The following UBE4B variants were observed in gnomAD, a reference collection of about 807,000 sequenced individuals.
UBE4B encodes ubiquitination factor E4B, also known as ubiquitin conjugation factor E4 B.
In UBE4B, 27 loss-of-function variants were observed where a neutral mutation model predicts 148.1. The ratio of observed to expected loss-of-function variants is 0.18; its 90% CI spans 0.13 to 0.25. The LOEUF is 0.25. UBE4B is among the 10% of genes least tolerant of loss of function. The pLI is 1.00. For missense variants in UBE4B, 1,170 were observed against 1,662.4 expected, an observed-to-expected ratio of 0.70 and a Z score of 5.15; for synonymous variants, 596 against 619.3, an observed-to-expected ratio of 0.96 and a Z score of 0.56.
intron 17 of UBE4B, among the ~76,000 whole-genome samples, chr1:10,143,642 C>T (rs546782472): frequency 2.0e-5 from 3 of 152,310 alleles, no homozygotes; most frequent in South Asian, 2.1e-4. Flanking sequence ...TCGAAGGATT[C>T]GGATGCGACA....
chr1:10,052,500 C>T (rs1005521057), intron 1 of UBE4B, among the ~76,000 whole-genome samples: 2 of 152,168 alleles, frequency 1.3e-5, no homozygotes, highest in African/African-American at 2.4e-5. Context: ...GCCAGGCACT[C>T]CTCAGGAATC....
intron 25 of UBE4B, among the ~76,000 whole-genome samples, chr1:10,175,255 C>T (rs79982090): frequency 0.024 from 3,611 of 152,126 alleles, 82 homozygotes; most frequent in South Asian, 0.082. Context: ...TATGGGCAGA[C>T]GCCAGTTCCA....
chr1:10,179,902 A>G lies in UBE4B; in HGVS notation c.3855A>G (p.Glu1285=). 1 of 1,614,054 alleles carries G rather than the reference A, an allele frequency of 6.2e-7. No individual in the cohort carries two copies. Among genetic ancestry groups the G allele is most frequent in the Middle Eastern group, 1.6e-4 (1 of 6,062 alleles). Reference sequence around the variant, plus strand: ...CTTTTTTTCTTTTCTCAGTGCCAGAACTGAAAGAGCAGATTCAGGCGTGGA... The same window carrying G: ...CTTTTTTTCTTTTCTCAGTGCCAGAGCTGAAAGAGCAGATTCAGGCGTGGA... ...LTESMLEPVP[E]LKEQIQAWMR... is the part of the protein sequence containing the mutation. Residue 1285 remains glutamate (E), a synonymous_variant, in exon 28 of 28, where the codon GAA becomes GAG. Coordinates refer to ENST00000343090, the MANE Select transcript of UBE4B (RefSeq NM_001105562.3).
chr1:10,085,614 A>G (rs896094571), intron 2 of UBE4B, among the ~76,000 whole-genome samples: 1 of 152,200 alleles, frequency 6.6e-6, no homozygotes, highest in Non-Finnish European at 1.5e-5. Context: ...AAACAACAAC[A>G]CATCTTTATA....
At chr1:10,067,509 G>A (rs1196936252) in intron 1 of UBE4B, among the ~76,000 whole-genome samples, 2 of 151,906 alleles carry the variant, frequency 1.3e-5, no homozygotes, top group African/African-American at 2.4e-5. Flanking sequence ...TGAGAAAAAT[G>A]TTTAATCATA....
intron 16 of UBE4B, among the ~76,000 whole-genome samples, chr1:10,136,152 C>T (rs1303592950): frequency 6.6e-6 from 1 of 152,034 alleles, no homozygotes; most frequent in Non-Finnish European, 1.5e-5. Flanking sequence ...AGATTTTATA[C>T]AATACATCAG....
Position 10,161,345 on chromosome 1 carries a change from G to A in UBE4B, c.3198+59G>A, listed in dbSNP as rs896349637. 5.1e-6 allele frequency: 8 copies of A among 1,582,092 alleles called. No homozygotes were observed. The African/African-American group carries it at 9.5e-5, about 19-fold the overall frequency. On this transcript the variant is annotated intron_variant, in intron 23 of 27. Coordinates refer to ENST00000343090, the MANE Select transcript of UBE4B (RefSeq NM_001105562.3). The surrounding 1 kb of genome is among the most constrained non-coding windows in gnomAD (Gnocchi z 4.1). ...GCAGGCCATCTGCCTCCACACACGG[G>A]CAGAGCTGCTTTGGGGCTGCATTTG... is the stretch of plus-strand genomic sequence containing the variant.
intron 1 of UBE4B, among the ~76,000 whole-genome samples, chr1:10,042,859 A>C (rs1643823387): frequency 1.3e-5 from 2 of 152,076 alleles, no homozygotes; most frequent in Admixed American, 1.3e-4. Flanking sequence ...CTCGGGGAAG[A>C]ATGTTCCCAG....
chr1:10,177,755 C>T (rs1646448843), intron 25 of UBE4B, among the ~76,000 whole-genome samples: 1 of 151,982 alleles, frequency 6.6e-6, no homozygotes, highest in African/African-American at 2.4e-5. Flanking sequence ...CATCACTAAG[C>T]AAGTGGCCAG....
At chr1:10,033,734 A>C (rs1407762584) in intron 1 of UBE4B, 40 bp downstream of exon 1, 4 of 1,529,504 alleles carry the variant, frequency 2.6e-6, no homozygotes, top group Admixed American at 2.1e-5. Context: ...TTAGTTGGCA[A>C]CTCGTTAGCG....
intron 1 of UBE4B, among the ~76,000 whole-genome samples, chr1:10,068,029 G>GTTT (rs1204563688): frequency 3.7e-5 from 5 of 136,522 alleles, no homozygotes; most frequent in Admixed American, 7.5e-5. Flanking sequence ...TGCCTGGCCA[G>GTTT]TTTTTTTTTT....
chr1:10,056,920 C>T (rs1367966180), intron 1 of UBE4B, among the ~76,000 whole-genome samples: 2 of 152,006 alleles, frequency 1.3e-5, no homozygotes, highest in Non-Finnish European at 2.9e-5. Flanking sequence ...TCAGCCTCCC[C>T]AGCCCACCTC....
intron 2 of UBE4B, among the ~76,000 whole-genome samples, chr1:10,088,278 G>A (rs1031453957): frequency 1.3e-5 from 2 of 152,166 alleles, no homozygotes; most frequent in Non-Finnish European, 2.9e-5. Context: ...AGATCAAAGT[G>A]ATTTTCTAAT....
At chr1:10,112,167 T>A (rs567916459) in intron 7 of UBE4B, among the ~76,000 whole-genome samples, 1 of 152,014 alleles carries the variant, frequency 6.6e-6, no homozygotes, top group Non-Finnish European at 1.5e-5. Context: ...TGCAGCTCTG[T>A]TTCTATTATG....
chr1:10,138,990 C>T (rs1645741265), intron 17 of UBE4B, among the ~76,000 whole-genome samples: 1 of 152,044 alleles, frequency 6.6e-6, no homozygotes, highest in African/African-American at 2.4e-5. Context: ...ATACAATTTG[C>T]TAATATTCTG....
rs377196706 is a variant in UBE4B, at chr1:10,137,193, G to A, written c.2351G>A (p.Arg784Gln). The change falls in exon 17 of 28, where the codon CGG (arginine) becomes CAG (glutamine). Residue 784 changes from arginine (R) to glutamine (Q), a missense_variant. This residue lies in a region of UBE4B where 388 missense variants were observed against 536.0 expected (regional missense o/e 0.72). Transcript: ENST00000343090. ...TATATCCGCAGACTCCGGGCTATCC[G>A]GGAGCTCAATAGGTATGTGCCATGA... ...RRYIRRLRAIRELNRTVEDLK... is the reference protein window; with the variant it reads ...RRYIRRLRAIQELNRTVEDLK... 1.1e-5 allele frequency: 17 copies of A among 1,614,008 alleles called. No individual in the cohort carries two copies. Among genetic ancestry groups the A allele is most frequent in the Admixed American group, 3.3e-5 (2 of 59,986 alleles).
At chr1:10,076,949 G>A (rs868530402) in intron 2 of UBE4B, among the ~76,000 whole-genome samples, 3 of 151,748 alleles carry the variant, frequency 2.0e-5, no homozygotes, top group African/African-American at 4.8e-5. Flanking sequence ...GTTTCACCAC[G>A]TTGGCCAGGC....
Position 10,151,558 on chromosome 1 carries a change from A to G in UBE4B, c.2923A>G (p.Thr975Ala). The G allele has an allele frequency of 6.2e-7, 1 of 1,613,346 alleles. No individual in the cohort carries two copies. Among genetic ancestry groups the G allele is most frequent in the Non-Finnish European group, 8.5e-7 (1 of 1,179,458 alleles). The change falls in exon 21 of 28, where the codon ACA becomes GCA. Residue 975 changes from threonine to alanine, a missense_variant. This residue lies in a region of UBE4B where 348 missense variants were observed against 627.2 expected (regional missense o/e 0.55). Coordinates refer to ENST00000343090, the MANE Select transcript of UBE4B (RefSeq NM_001105562.3). Reference sequence around the variant, plus strand: ...GGTACCTTCCCTGATGAAGTTTTATACAGGTAGGTTGCTGGAACACAGTGT... The same window carrying G: ...GGTACCTTCCCTGATGAAGTTTTATGCAGGTAGGTTGCTGGAACACAGTGT... The part of the protein sequence containing the change: ...LLVPSLMKFY[T>A]DVEHTGATSE...
At position 10,117,519 on chromosome 1, in the gene UBE4B, A is replaced by T. The variant is rs1645331836; in HGVS notation, c.1257A>T (p.Glu419Asp). 2.5e-6 allele frequency: 4 copies of T among 1,613,026 alleles called. No homozygotes were observed. Among genetic ancestry groups the T allele is most frequent in the Non-Finnish European group, 3.4e-6 (4 of 1,179,724 alleles). Residue 419 changes from glutamate (E) to aspartate (D), a missense_variant, in exon 8 of 28, where the codon GAA (glutamate) becomes GAT (aspartate). By Grantham distance (45) the Glu-to-Asp change is conservative (BLOSUM62 2). Around this residue, in one of 6 missense-constraint regions of UBE4B, gnomAD observed 388 missense variants for 536.0 expected, o/e 0.72. Transcript: ENST00000343090. ...WDSYSDHFTI[E>D]TCKETDMLNY... Reference sequence around the variant, plus strand: ...CCTACAGTGACCATTTCACCATTGAAACCTGCAAAGAGACAGATATGCTGA... The same window carrying T: ...CCTACAGTGACCATTTCACCATTGATACCTGCAAAGAGACAGATATGCTGA...
Sources: gnomAD v4.1 joint callset for allele counts (sites outside exome capture counted in the v4.1 genomes callset) on GRCh38, gnomAD v4.1.1 for gene constraint, gnomAD v4.1.1 regional missense constraint, Gnocchi (gnomAD v3.1) non-coding constraint, MANE v1.5 for transcripts, NCBI Gene and HGNC (gene_info 2026-07-23, HGNC 2026-07-21) for gene names.